Variants in NEB observed in about 807,000 individuals in gnomAD.
NEB encodes nemaline myopathy type 2.
A neutral mutation model predicts 952.2 loss-of-function variants in NEB; 512 were observed. That is an observed-to-expected ratio of 0.54 (90% CI 0.50 to 0.58). The LOEUF is 0.58. Ranked by LOEUF, NEB falls within the 20% of genes least tolerant of loss-of-function variation. The probability of loss-of-function intolerance (pLI) is 0.00; values close to 1 mark genes in which losing one functional copy is unlikely to be tolerated. For missense variants in NEB, 8,428 were observed against 9,231.1 expected (o/e 0.91, Z 3.56); for synonymous variants, 2,900 against 3,149.8 (o/e 0.92, Z 2.66).
At position 151,665,401 on chromosome 2, in the gene NEB, T is replaced by G; in HGVS notation, c.5170A>C (p.Lys1724Gln). The G allele has an allele frequency of 6.2e-7, 1 of 1,613,814 alleles. No homozygotes were observed. The highest frequency in any genetic ancestry group is 8.5e-7 in the Non-Finnish European group (1 of 1,179,798). Residue 1724 changes from lysine (K) to glutamine (Q), a missense_variant, in exon 42 of 182, where the codon AAG (lysine) becomes CAG (glutamine). By Grantham distance (53) the Lys-to-Gln change is moderately conservative. Transcript: ENST00000397345. ...KKYRQHPEKL[K>Q]FTYAMDTMEQ... is the part of the protein sequence containing the mutation. ...ATTGTGTCCATGGCGTAAGTGAACT[T>G]CAGCTTCTCGGGGTGCTGGCGATAC...
rs184910108 is a variant in NEB at position 151,712,052 on chromosome 2, T to C, written c.823-1514A>G. 1.9e-3 allele frequency among the ~76,000 whole-genome samples: 285 copies of C among 152,324 alleles called. 2 individuals carry two copies. Among genetic ancestry groups the C allele is most frequent in the African/African-American group, 6.4e-3 (265 of 41,572 alleles). On this transcript the variant is annotated intron_variant, in intron 10 of 181. Coordinates refer to ENST00000397345, the MANE Select transcript of NEB (RefSeq NM_001164508.2). The stretch of plus-strand genomic sequence containing the variant: ...CATCTTTTTTTTGGAGACAGACCTC[T>C]TCAAGAAACTGAGAAAGCTATAAAA...
chr2:151,567,578 C>G, intron 113 of NEB, 99 bp from the exon 114 acceptor site: 1 of 1,181,630 alleles, frequency 8.5e-7, no homozygotes, highest in Middle Eastern at 2.3e-4. Context: ...ATTCAGCCCC[C>G]CAGCTTTTTG....
At position 151,493,787 on chromosome 2, in the gene NEB, T is replaced by A. The variant is rs898677926; in HGVS notation, c.24660A>T (p.Glu8220Asp). ...CTTTCTAAAATACCGAGCTAAAGTTTTCTTGATTGCGTTTCACTCTTTCCA... is the reference window on the plus strand; with the variant it reads ...CTTTCTAAAATACCGAGCTAAAGTTATCTTGATTGCGTTTCACTCTTTCCA... The part of the protein sequence containing the change: ...PEMERVKRNQ[E>D]NFSSVLYKEN... Residue 8220 changes from glutamate to aspartate, a missense_variant, in exon 175 of 182, where the codon GAA (glutamate) becomes GAT (aspartate). This residue lies in a region of NEB where 3,374 missense variants were observed against 3,651.5 expected (regional missense o/e 0.92). Coordinates refer to ENST00000397345, the MANE Select transcript of NEB (RefSeq NM_001164508.2). The A allele has an allele frequency of 4.4e-6, 7 of 1,577,208 alleles. No homozygotes were observed. The African/African-American group carries it at 9.4e-5, about 21-fold the overall frequency.
chr2:151,578,043 G>T (rs1222750602), intron 105 of NEB, among the ~76,000 whole-genome samples: 1 of 152,122 alleles, frequency 6.6e-6, no homozygotes, highest in Non-Finnish European at 1.5e-5. Flanking sequence ...TATACCACTT[G>T]GCAATGCATT....
intron 10 of NEB, among the ~76,000 whole-genome samples, chr2:151,717,126 C>G (rs925240681): frequency 5.9e-4 from 90 of 152,248 alleles, no homozygotes; most frequent in Non-Finnish European, 7.3e-5. Flanking sequence ...TGTAGTATTA[C>G]TGTCATAAGT....
At chr2:151,711,851 A>C (rs540099871) in intron 10 of NEB, among the ~76,000 whole-genome samples, 1 of 152,310 alleles carries the variant, frequency 6.6e-6, no homozygotes, top group African/African-American at 2.4e-5. Flanking sequence ...AAACTCTGTA[A>C]GAAAGAAAAT....
At chr2:151,512,188 G>C (rs771026990) in intron 161 of NEB, among the ~76,000 whole-genome samples, 1 of 151,576 alleles carries the variant, frequency 6.6e-6, no homozygotes, top group African/African-American at 2.4e-5. Flanking sequence ...CTGCCACCAC[G>C]CCCGGCTAAT....
chr2:151,651,029 C>A, intron 52 of NEB, 144 bp from the exon 53 acceptor site: 1 of 731,000 alleles, frequency 1.4e-6, no homozygotes, highest in Non-Finnish European at 2.1e-6. Flanking sequence ...GCCTACTTTT[C>A]TAGCTTCAGC....
chr2:151,493,720 C>T, intron 175 of NEB, 55 bp downstream of exon 175: 1 of 1,306,984 alleles, frequency 7.7e-7, no homozygotes, highest in South Asian at 1.3e-5. Flanking sequence ...GTGGTACAAC[C>T]ATGTTTGCCA....
chr2:151,576,706 A>ATT (rs930909628), intron 105 of NEB, among the ~76,000 whole-genome samples: 5 of 149,586 alleles, frequency 3.3e-5, no homozygotes, highest in Non-Finnish European at 5.9e-5. Context: ...TAATTTTTGT[A>ATT]TTTTTTTTAG....
chr2:151,487,615 C>G (rs1326259657), intron 181 of NEB, among the ~76,000 whole-genome samples: 1 of 152,036 alleles, frequency 6.6e-6, no homozygotes, highest in Non-Finnish European at 1.5e-5. Context: ...TTTCATTTTT[C>G]TGGACATTTA....
chr2:151,531,652 A>G (rs2091096807), intron 144 of NEB, 140 bp downstream of exon 144: 2 of 688,766 alleles, frequency 2.9e-6, no homozygotes, highest in Non-Finnish European at 5.2e-6. Flanking sequence ...AATCCTGTGC[A>G]TAACAGGACA....
chr2:151,711,300 G>A (rs554212770), intron 10 of NEB, among the ~76,000 whole-genome samples: 1 of 152,214 alleles, frequency 6.6e-6, no homozygotes, highest in East Asian at 1.9e-4. Flanking sequence ...CCCAAACCTG[G>A]GTCCATGAGC....
At chr2:151,635,830 T>A (rs2098751575) in intron 64 of NEB, among the ~76,000 whole-genome samples, 1 of 152,108 alleles carries the variant, frequency 6.6e-6, no homozygotes, top group Non-Finnish European at 1.5e-5. Context: ...TAAAATACTA[T>A]CTATTCAAAT....
At chr2:151,569,445 A>C in intron 109 of NEB, 73 bp from the exon 110 acceptor site, 67 of 1,102,872 alleles carry the variant, frequency 6.1e-5, no homozygotes, top group Non-Finnish European at 8.5e-5. Context: ...CATTGGTCTC[A>C]TGAAGAAATA....
chr2:151,712,268 T>C (rs1269837701), intron 10 of NEB, among the ~76,000 whole-genome samples: 1 of 152,130 alleles, frequency 6.6e-6, no homozygotes, highest in African/African-American at 2.4e-5. Context: ...CTTTGAAATA[T>C]AATTTAAAGT....
chr2:151,528,275 T>C (rs1447578099), intron 146 of NEB, among the ~76,000 whole-genome samples: 2 of 152,234 alleles, frequency 1.3e-5, no homozygotes, highest in Non-Finnish European at 2.9e-5. Context: ...GAGCCTGCAC[T>C]ATTAGGCACA....
At chr2:151,621,873 T>C (rs1315021283) in intron 71 of NEB, among the ~76,000 whole-genome samples, 1 of 152,248 alleles carries the variant, frequency 6.6e-6, no homozygotes, top group Non-Finnish European at 1.5e-5. Flanking sequence ...AGTTTGATAA[T>C]AATTTTTAAA....
intron 135 of NEB, among the ~76,000 whole-genome samples, chr2:151,542,844 C>A (rs960523195): frequency 6.6e-6 from 1 of 152,194 alleles, no homozygotes; most frequent in East Asian, 1.9e-4. Context: ...AGTCCAAGGT[C>A]ATTTATATAA....
Sources: allele counts gnomAD v4.1 joint callset (sites outside exome capture counted in the v4.1 genomes callset), GRCh38; gene constraint gnomAD v4.1.1; regional missense constraint gnomAD v4.1.1; transcripts MANE v1.5; gene names NCBI Gene and HGNC (gene_info 2026-07-23, HGNC 2026-07-21).